CDH9: variants seen among roughly 807,000 people sequenced by gnomAD.
CDH9 encodes cadherin 9.
Under a neutral mutation model 70.9 loss-of-function variants are expected in CDH9, and 28 were observed. The observed-to-expected ratio is 0.40, with a 90% confidence interval of 0.29 to 0.54. The LOEUF is 0.54. Among genes scored for constraint, CDH9 ranks in the 20% least tolerant of loss-of-function variants. The pLI, the probability that CDH9 is intolerant of heterozygous loss-of-function variation, is 0.59. For synonymous variants in CDH9, 409 were observed against 343.1 expected, an observed-to-expected ratio of 1.19 and a Z score of -2.12; for missense variants, 874 against 984.4, an observed-to-expected ratio of 0.89 and a Z score of 1.50.
intron 3 of CDH9, among the ~76,000 whole-genome samples, chr5:26,910,363 C>A (rs1375676392): frequency 6.6e-6 from 1 of 152,072 alleles, no homozygotes; most frequent in African/African-American, 2.4e-5. Flanking sequence ...GTTTTCTACA[C>A]ACAGATAGTA....
chr5:26,881,177 G>T lies in CDH9; in HGVS notation c.2329C>A (p.Leu777Ile). Residue 777 changes from leucine to isoleucine, a missense_variant, in exon 12 of 12, where the codon CTT becomes ATT. Transcript: ENST00000231021. ...TCATCACCCCCATACATATCGGCAA[G>T]TTTTTTGAAACGAGGCCCCCAGTCA... ...LSDWGPRFKK[L>I]ADMYGGDDSD... is the part of the protein sequence containing the mutation. The T allele has an allele frequency of 6.2e-7, 1 of 1,612,954 alleles. No individual in the cohort carries two copies. The highest frequency in any genetic ancestry group is 8.5e-7 in the Non-Finnish European group (1 of 1,179,388).
chr5:26,978,109 A>G (rs1742335228), intron 2 of CDH9, among the ~76,000 whole-genome samples: 1 of 152,104 alleles, frequency 6.6e-6, no homozygotes, highest in Non-Finnish European at 1.5e-5. Context: ...GTAATGTGTT[A>G]ATCACAATGT....
intron 2 of CDH9, among the ~76,000 whole-genome samples, chr5:26,933,794 A>G (rs1475903461): frequency 6.6e-6 from 1 of 151,830 alleles, no homozygotes; most frequent in South Asian, 2.1e-4. Flanking sequence ...AATAAAATAA[A>G]ATAAAATAAA....
chr5:26,906,704 G>A lies in CDH9; in HGVS notation c.643+15C>T, dbSNP rs113088780. 989 of 1,611,948 alleles carry A rather than the reference G, an allele frequency of 6.1e-4. 7 individuals are homozygous for A. In the African/African-American group the frequency reaches 0.012, roughly 19 times the overall value. ...TATTATACAATAAGAAGTCAGCCAA[G>A]TTTAAATGTTGTACCTGATTCTGGG... On this transcript the variant is annotated intron_variant, in intron 4 of 11. Transcript: ENST00000231021.
At chr5:26,884,177 A>C (rs1740521803) in intron 11 of CDH9, among the ~76,000 whole-genome samples, 1 of 152,118 alleles carries the variant, frequency 6.6e-6, no homozygotes, top group South Asian at 2.1e-4. Context: ...CTGACTGCAG[A>C]ACAGAAGAGG....
intron 1 of CDH9, among the ~76,000 whole-genome samples, chr5:27,011,985 A>G (rs1742967100): frequency 6.6e-6 from 1 of 151,982 alleles, no homozygotes; most frequent in African/African-American, 2.4e-5. Flanking sequence ...TAAATGACAT[A>G]TCACTCTCTC....
At chr5:26,917,739 C>G in intron 2 of CDH9, among the ~76,000 whole-genome samples, 1 of 151,984 alleles carries the variant, frequency 6.6e-6, no homozygotes, top group East Asian at 1.9e-4. Flanking sequence ...CTTCTCTGGA[C>G]CACCAGAGCA....
intron 2 of CDH9, among the ~76,000 whole-genome samples, chr5:26,982,602 C>T (rs897000516): frequency 2.6e-5 from 4 of 152,070 alleles, no homozygotes; most frequent in Non-Finnish European, 5.9e-5. Flanking sequence ...AGAGTGAAAG[C>T]CCAAATGTCA....
At chr5:26,990,142 A>T (rs576441427) in intron 1 of CDH9, among the ~76,000 whole-genome samples, 2 of 152,142 alleles carry the variant, frequency 1.3e-5, no homozygotes, top group Non-Finnish European at 2.9e-5. Context: ...TATCATCATG[A>T]TCATCACAAC....
intron 1 of CDH9, among the ~76,000 whole-genome samples, chr5:26,995,437 T>C: frequency 6.6e-6 from 1 of 152,154 alleles, no homozygotes; most frequent in Non-Finnish European, 1.5e-5. Context: ...AACATGAGAT[T>C]CTGTATAAAC....
chr5:26,987,708 G>A (rs1742511415), intron 2 of CDH9, among the ~76,000 whole-genome samples: 1 of 151,988 alleles, frequency 6.6e-6, no homozygotes, highest in Admixed American at 6.6e-5. Context: ...GAAGCAGGAA[G>A]CTCACCCTAG....
intron 1 of CDH9, among the ~76,000 whole-genome samples, chr5:26,995,118 T>C (rs995857357): frequency 9.9e-5 from 15 of 152,212 alleles, no homozygotes; most frequent in African/African-American, 3.4e-4. Flanking sequence ...GTAACACATA[T>C]AGTGGTTAAA....
intron 1 of CDH9, among the ~76,000 whole-genome samples, chr5:27,013,982 C>G (rs983719411): frequency 6.6e-6 from 1 of 151,902 alleles, no homozygotes; most frequent in African/African-American, 2.4e-5. Context: ...GCCCTGGCAA[C>G]TAGGAACTAG....
intron 1 of CDH9, among the ~76,000 whole-genome samples, chr5:27,020,711 T>C (rs569296386): frequency 6.8e-6 from 1 of 146,620 alleles, no homozygotes; most frequent in East Asian, 2.0e-4. Context: ...TTTAAGAACA[T>C]TTAAGAATTC....
chr5:26,910,994 A>T (rs115569311), intron 3 of CDH9, among the ~76,000 whole-genome samples: 2,081 of 152,294 alleles, frequency 0.014, 16 homozygotes, highest in African/African-American at 0.049. Flanking sequence ...ATGTCCAGGA[A>T]TTTAAATCAT....
chr5:27,009,170 T>A (rs988052226), intron 1 of CDH9, among the ~76,000 whole-genome samples: 1 of 152,118 alleles, frequency 6.6e-6, no homozygotes, highest in African/African-American at 2.4e-5. Context: ...CAAGTTCAAA[T>A]TGAAGGATTT....
chr5:26,928,903 T>A (rs1741391999), intron 2 of CDH9, among the ~76,000 whole-genome samples: 1 of 151,818 alleles, frequency 6.6e-6, no homozygotes, highest in East Asian at 1.9e-4. Flanking sequence ...AAGAAAACAT[T>A]TGATAACCTC....
chr5:27,032,584 T>A (rs1378799444), intron 1 of CDH9, among the ~76,000 whole-genome samples: 5 of 151,652 alleles, frequency 3.3e-5, no homozygotes, highest in Non-Finnish European at 5.9e-5. Flanking sequence ...CCCTGCTTAA[T>A]ACATGTGTAA....
chr5:26,883,464 T>C (rs1456143570), intron 11 of CDH9, among the ~76,000 whole-genome samples: 1 of 151,878 alleles, frequency 6.6e-6, no homozygotes, highest in African/African-American at 2.4e-5. Flanking sequence ...GGATAAGAAA[T>C]GAAAAAAAGT....
Sources: allele counts gnomAD v4.1 joint callset (sites outside exome capture counted in the v4.1 genomes callset), GRCh38; gene constraint gnomAD v4.1.1; transcripts MANE v1.5; gene names NCBI Gene and HGNC (gene_info 2026-07-23, HGNC 2026-07-21).